Variants in IL7 observed in about 807,000 individuals in gnomAD.
The protein encoded by IL7 is interleukin-7.
IL7 carries 3 observed loss-of-function variants against 21.6 expected under a neutral mutation model. The ratio of observed to expected loss-of-function variants is 0.14; its 90% CI spans 0.06 to 0.36. The LOEUF (loss-of-function observed/expected upper bound fraction) is 0.36, where lower values mean the gene tolerates loss of function less well. Among genes scored for constraint, IL7 ranks in the 10% least tolerant of loss-of-function variants. The pLI, the probability that IL7 is intolerant of heterozygous loss-of-function variation, is 1.00. For synonymous variants in IL7, 62 were observed against 68.1 expected (o/e 0.91, Z 0.44); for missense variants, 175 against 200.2 (o/e 0.87, Z 0.76).
At chr8:78,761,727 GTGT>G in intron 2 of IL7, 4 of 1,611,966 alleles carry the variant, frequency 2.5e-6, no homozygotes, top group Non-Finnish European at 3.4e-6. Context: ...TGCCTCTGCT[GTGT>G]TTTTGAACAA....
chr8:78,803,460 G>C (rs1344852583), intron 1 of IL7, among the ~76,000 whole-genome samples: 1 of 152,164 alleles, frequency 6.6e-6, no homozygotes, highest in Non-Finnish European at 1.5e-5. Flanking sequence ...ACTCTTAATG[G>C]AACAAGCTTC....
intron 2 of IL7, among the ~76,000 whole-genome samples, chr8:78,786,903 G>A (rs973444604): frequency 4.6e-5 from 7 of 152,138 alleles, no homozygotes; most frequent in Non-Finnish European, 1.0e-4. Context: ...AGCTTCTGGG[G>A]AGAGGAGAGG....
chr8:78,703,975 C>A (rs1810688208), intron 3 of IL7, among the ~76,000 whole-genome samples: 1 of 152,130 alleles, frequency 6.6e-6, no homozygotes. Context: ...TAAGGCAGGT[C>A]TGGTGGTAAC....
At chr8:78,758,184 A>G (rs1812417271) in intron 2 of IL7, among the ~76,000 whole-genome samples, 2 of 152,046 alleles carry the variant, frequency 1.3e-5, no homozygotes, top group South Asian at 4.1e-4. Flanking sequence ...GCAGCATATA[A>G]TTGGGTCTTT....
At chr8:78,746,038 C>G (rs537061766) in intron 2 of IL7, among the ~76,000 whole-genome samples, 25 of 152,278 alleles carry the variant, frequency 1.6e-4, no homozygotes, top group African/African-American at 5.5e-4. Context: ...AAACTTATCA[C>G]ACCAACATTC....
intron 2 of IL7, among the ~76,000 whole-genome samples, chr8:78,773,343 G>A (rs1813022177): frequency 6.6e-6 from 1 of 152,108 alleles, no homozygotes; most frequent in South Asian, 2.1e-4. Context: ...CAGTGGTCCA[G>A]GGCCAGAAAT....
chr8:78,679,370 G>A (rs1809689240), intron 4 of IL7: 1 of 152,144 alleles, frequency 6.6e-6, no homozygotes, highest in Admixed American at 6.6e-5. Context: ...TTATGGCATA[G>A]TATTTGCATA....
chr8:78,675,257 A>T (rs938295463), downstream of IL7, among the ~76,000 whole-genome samples: 1 of 151,832 alleles, frequency 6.6e-6, no homozygotes, highest in African/African-American at 2.4e-5. Flanking sequence ...ATAAAATAAT[A>T]ATTCACATAA....
At chr8:78,682,136 A>G (rs1296289390) in intron 4 of IL7, among the ~76,000 whole-genome samples, 1 of 152,160 alleles carries the variant, frequency 6.6e-6, no homozygotes, top group Non-Finnish European at 1.5e-5. Context: ...GGGTATCTCA[A>G]TAATATTACA....
At chr8:78,775,046 T>C (rs989965482) in intron 2 of IL7, among the ~76,000 whole-genome samples, 4 of 152,168 alleles carry the variant, frequency 2.6e-5, no homozygotes, top group Non-Finnish European at 5.9e-5. Flanking sequence ...TAAAGTTGTG[T>C]ATGCATTACA....
downstream of IL7, among the ~76,000 whole-genome samples, chr8:78,730,229 T>C (rs1398038178): frequency 6.6e-6 from 1 of 151,978 alleles, no homozygotes. Context: ...ACTTTTTATG[T>C]GAAGGATGCA....
chr8:78,709,762 C>T (rs1024407604), intron 3 of IL7, among the ~76,000 whole-genome samples: 7 of 151,110 alleles, frequency 4.6e-5, no homozygotes, highest in Admixed American at 6.6e-5. Flanking sequence ...AGAAAGTTTA[C>T]GAATTTGTAT....
chr8:78,794,958 A>G (rs1401201020), intron 2 of IL7, among the ~76,000 whole-genome samples: 1 of 152,112 alleles, frequency 6.6e-6, no homozygotes, highest in Non-Finnish European at 1.5e-5. Context: ...CAGGCCCTAA[A>G]TAAATGTTTG....
At chr8:78,721,856 G>A (rs1174344830) in intron 3 of IL7, among the ~76,000 whole-genome samples, 2 of 151,788 alleles carry the variant, frequency 1.3e-5, no homozygotes, top group Non-Finnish European at 2.9e-5. Context: ...TGAAGTATAG[G>A]AAAATATTTA....
chr8:78,797,571 A>C (rs1035016165), intron 2 of IL7, among the ~76,000 whole-genome samples: 1 of 152,010 alleles, frequency 6.6e-6, no homozygotes, highest in African/African-American at 2.4e-5. Flanking sequence ...ATTAATTAGA[A>C]AAGCTTTAAC....
At chr8:78,761,674 G>A in intron 2 of IL7, 1 of 1,611,986 alleles carries the variant, frequency 6.2e-7, no homozygotes, top group East Asian at 2.2e-5. Flanking sequence ...TCACTTCCCT[G>A]AGAGTTTCTT....
At chr8:78,697,014 A>C (rs1810442805) in intron 3 of IL7, among the ~76,000 whole-genome samples, 1 of 152,082 alleles carries the variant, frequency 6.6e-6, no homozygotes, top group African/African-American at 2.4e-5. Flanking sequence ...AGTTTGTTTT[A>C]GCAGTGGAGC....
intron 2 of IL7, among the ~76,000 whole-genome samples, chr8:78,776,723 C>T (rs1168518272): frequency 3.3e-5 from 5 of 151,896 alleles, no homozygotes; most frequent in African/African-American, 1.2e-4. Context: ...ATATATTAGC[C>T]CATTTAATTT....
intron 2 of IL7, among the ~76,000 whole-genome samples, chr8:78,776,064 C>G (rs746658387): frequency 4.6e-5 from 7 of 151,968 alleles, no homozygotes; most frequent in Non-Finnish European, 8.8e-5. Context: ...AATGATAAAA[C>G]TTTAATTTAT....
Sources: allele counts gnomAD v4.1 joint callset (sites outside exome capture counted in the v4.1 genomes callset), GRCh38; gene constraint gnomAD v4.1.1; transcripts MANE v1.5; gene names NCBI Gene and HGNC (gene_info 2026-07-23, HGNC 2026-07-21).